NPM1: variants seen among roughly 807,000 people sequenced by gnomAD.
NPM1 encodes the protein nucleophosmin.
A neutral mutation model predicts 44.1 loss-of-function variants in NPM1; 1 was observed. The observed-to-expected ratio is 0.02, with a 90% confidence interval of 0.01 to 0.11. NPM1 has a LOEUF of 0.11. Ranked by LOEUF, NPM1 falls within the 10% of genes least tolerant of loss-of-function variation. NPM1 has a pLI of 1.00. For missense variants in NPM1, 197 were observed against 347.8 expected (o/e 0.57, Z 3.45); for synonymous variants, 126 against 111.8 (o/e 1.13, Z -0.80).
At chr5:171,388,074 G>T in intron 1 of NPM1, 68 bp downstream of exon 1, 1 of 1,219,908 alleles carries the variant, frequency 8.2e-7, no homozygotes, top group East Asian at 2.4e-5. Flanking sequence ...GGGGTGAGGG[G>T]CGGGAATCCG....
intron 2 of NPM1, 47 bp from the exon 3 acceptor site, chr5:171,391,258 A>G: frequency 6.3e-7 from 1 of 1,597,660 alleles, no homozygotes; most frequent in South Asian, 1.1e-5. Context: ...GGGGTGTAAA[A>G]TAGGTGGAAC....
intron 9 of NPM1, chr5:171,406,252 A>G (rs1299000006): frequency 1.4e-6 from 1 of 728,696 alleles, no homozygotes. Flanking sequence ...GAACTGGAAC[A>G]TATTTCTTTT....
chr5:171,403,738 G>T (rs1356280620), intron 8 of NPM1, among the ~76,000 whole-genome samples: 13 of 135,542 alleles, frequency 9.6e-5, no homozygotes, highest in South Asian at 2.4e-4. Context: ...GCGGGGGGCT[G>T]ACCCCCCCAC....
intron 6 of NPM1, among the ~76,000 whole-genome samples, chr5:171,393,998 C>T (rs12520453): frequency 0.4 from 60,779 of 150,274 alleles, 12,332 homozygotes; most frequent in East Asian, 0.55. Flanking sequence ...TATAAATGAA[C>T]GCAAACTTAA....
intron 6 of NPM1, among the ~76,000 whole-genome samples, chr5:171,394,410 G>A (rs1310968829): frequency 6.6e-6 from 1 of 152,088 alleles, no homozygotes; most frequent in East Asian, 1.9e-4. Context: ...CTAACCTCGG[G>A]CGATCTGGTC....
chr5:171,402,263 A>G (rs979297432), intron 8 of NPM1, among the ~76,000 whole-genome samples: 3 of 150,922 alleles, frequency 2.0e-5, no homozygotes, highest in Non-Finnish European at 4.4e-5. Flanking sequence ...AAACAGCTCA[A>G]TATCACTGAT....
In NPM1 at chr5:171,405,368, G is replaced by T. The variant is rs760598971; in HGVS notation, c.736G>T (p.Asp246Tyr). ...KTPKGPSSVE[D>Y]IKAKMQASIE... ...ACCAAAAGGACCTAGTTCTGTAGAA[G>T]ACATTAAAGCAAAAATGCAAGCAAG... The change falls in exon 9 of 11, where the codon GAC (aspartate) becomes TAC (tyrosine). Residue 246 changes from aspartate (D) to tyrosine (Y), a missense_variant. Coordinates refer to ENST00000296930, the MANE Select transcript of NPM1 (RefSeq NM_002520.7). 6.3e-7 allele frequency: 1 copy of T among 1,590,694 alleles called. No individual in the cohort carries two copies. The highest frequency in any genetic ancestry group is 2.2e-5 in the East Asian group (1 of 44,716).
chr5:171,397,324 A>G (rs1017674221), intron 6 of NPM1, among the ~76,000 whole-genome samples: 2 of 152,204 alleles, frequency 1.3e-5, no homozygotes, highest in Admixed American at 1.3e-4. Context: ...GTTGACTGCT[A>G]TGAACGCTTG....
chr5:171,397,115 G>A (rs536672500), intron 6 of NPM1, among the ~76,000 whole-genome samples: 7 of 152,160 alleles, frequency 4.6e-5, no homozygotes, highest in South Asian at 2.1e-4. Flanking sequence ...AGTCAACCAC[G>A]AATGAACTTT....
Position 171,404,230 on chromosome 5 carries a change from G to T in NPM1, c.670-1072G>T, listed in dbSNP as rs1395085111. Among the ~76,000 whole-genome samples, 167 of 106,444 alleles carry T rather than the reference G, an allele frequency of 1.6e-3. 33 individuals are homozygous for T. The highest frequency in any genetic ancestry group is 2.5e-3 in the Non-Finnish European group (127 of 50,734). 69.8% of individuals were successfully genotyped at this position (106,444 alleles called of 152,430 possible). A position where few individuals can be genotyped will look rare whatever the true frequency, so the allele number is the denominator to read the frequency against. On this transcript the variant is annotated intron_variant, in intron 8 of 10. Transcript: ENST00000296930. ...AGATAGGGCGGCTGGCCGGGCGGGG[G>T]GTTGACCCCCCCCCACCTCCCTCCC...
chr5:171,388,925 C>T (rs1770425635), intron 1 of NPM1, among the ~76,000 whole-genome samples: 1 of 152,234 alleles, frequency 6.6e-6, no homozygotes, highest in Non-Finnish European at 1.5e-5. Context: ...GACTCCGTAG[C>T]TGCTGCTTCG....
intron 7 of NPM1, 114 bp downstream of exon 7, chr5:171,400,324 C>CTGAGGGAGATCATCTCATAT: frequency 8.2e-7 from 1 of 1,226,912 alleles, no homozygotes; most frequent in Non-Finnish European, 1.1e-6. Context: ...TCATCTCATA[C>CTGAGGGAGATCATCTCATAT]TGAAAATTAG....
chr5:171,387,820 T>A, upstream of NPM1: 1 of 838,226 alleles, frequency 1.2e-6, no homozygotes, highest in Non-Finnish European at 2.0e-6. Context: ...ATCTTCAGGG[T>A]CTATATATAA....
At chr5:171,393,022 CAAAA>C (rs749829136) in intron 6 of NPM1, 44 bp downstream of exon 6, 1 of 1,568,902 alleles carries the variant, frequency 6.4e-7, no homozygotes, top group Non-Finnish European at 8.6e-7. Context: ...GGAATCTTGA[CAAAA>C]AAAGGAATTT....
intron 6 of NPM1, among the ~76,000 whole-genome samples, chr5:171,393,904 G>T (rs1202419394): frequency 6.6e-6 from 1 of 152,098 alleles, no homozygotes; most frequent in Non-Finnish European, 1.5e-5. Context: ...AAGATGAGAG[G>T]ATCTCTTGAG....
intron 8 of NPM1, among the ~76,000 whole-genome samples, chr5:171,403,202 A>T (rs1771326497): frequency 1.1e-5 from 1 of 87,372 alleles, no homozygotes; most frequent in Non-Finnish European, 2.4e-5. Flanking sequence ...GGGATTGGTG[A>T]TGACTCTTAA....
chr5:171,388,084 G>C (rs2113142569), intron 1 of NPM1, 78 bp downstream of exon 1: 1 of 1,145,326 alleles, frequency 8.7e-7, no homozygotes, highest in East Asian at 2.5e-5. Context: ...GCGGGAATCC[G>C]GCTGCAACCG....
upstream of NPM1, chr5:171,387,821 C>G: frequency 2.3e-6 from 2 of 852,058 alleles, no homozygotes; most frequent in Non-Finnish European, 1.9e-6. Flanking sequence ...TCTTCAGGGT[C>G]TATATATAAG....
chr5:171,407,222 T>C, intron 9 of NPM1: 1 of 158,032 alleles, frequency 6.3e-6, no homozygotes, highest in Non-Finnish European at 1.4e-5. Flanking sequence ...TTTATATATC[T>C]TTAACTGATG....
Sources: gnomAD v4.1 joint callset for allele counts (sites outside exome capture counted in the v4.1 genomes callset) on GRCh38, gnomAD v4.1.1 for gene constraint, MANE v1.5 for transcripts, NCBI Gene and HGNC (gene_info 2026-07-23, HGNC 2026-07-21) for gene names.